CEMIP: variants seen among roughly 807,000 people sequenced by gnomAD.
CEMIP encodes cell migration-inducing and hyaluronan-binding protein.
CEMIP carries 105 observed loss-of-function variants against 156.9 expected under a neutral mutation model. The observed-to-expected ratio is 0.67, with a 90% confidence interval of 0.57 to 0.79. The LOEUF (loss-of-function observed/expected upper bound fraction) is 0.79. Ranked by LOEUF, CEMIP falls within the 30% of genes least tolerant of loss-of-function variation. The pLI, the probability that CEMIP is intolerant of heterozygous loss-of-function variation, is 0.00. For synonymous variants in CEMIP, 676 were observed against 668.4 expected, an observed-to-expected ratio of 1.01 and a Z score of -0.17; for missense variants, 1,457 against 1,769.4, an observed-to-expected ratio of 0.82 and a Z score of 3.17.
intron 5 of CEMIP, 141 bp from the exon 6 acceptor site, chr15:80,880,759 A>C: frequency 1.3e-6 from 1 of 778,146 alleles, no homozygotes; most frequent in South Asian, 1.4e-5. Flanking sequence ...TACTGACCTC[A>C]GGTGATAAAA....
chr15:80,832,319 A>ACT (rs201468853), intron 1 of CEMIP, among the ~76,000 whole-genome samples: 37 of 19,366 alleles, frequency 1.9e-3, no homozygotes, highest in South Asian at 6.4e-3. Flanking sequence ...TTTAAAATAA[A>ACT]CTCTGTGTGT....
In CEMIP at chr15:80,822,276, A is replaced by G. The variant is rs74599008; in HGVS notation, c.-176+42662A>G. Reference sequence around the variant, plus strand: ...CAGAGCATGGCTGTTGACTGAATGCATGAGCCTCCCTGTTGCCTGCCGCTG... The same window carrying G: ...CAGAGCATGGCTGTTGACTGAATGCGTGAGCCTCCCTGTTGCCTGCCGCTG... On this transcript the variant is annotated intron_variant, in intron 1 of 29. Coordinates refer to ENST00000394685, the MANE Select transcript of CEMIP (RefSeq NM_001293298.2). Among the ~76,000 whole-genome samples the G allele has an allele frequency of 8.4e-3, 1,281 of 152,322 alleles. 11 individuals carry two copies. The highest frequency in any genetic ancestry group is 0.015 in the Non-Finnish European group (998 of 68,020).
At chr15:80,816,608 A>T (rs1307026106) in intron 1 of CEMIP, among the ~76,000 whole-genome samples, 2 of 152,174 alleles carry the variant, frequency 1.3e-5, no homozygotes, top group Non-Finnish European at 2.9e-5. Context: ...TGGAATCTTT[A>T]AAAGATTGAA....
At chr15:80,902,013 C>G (rs1186612906) in intron 12 of CEMIP, among the ~76,000 whole-genome samples, 6 of 152,232 alleles carry the variant, frequency 3.9e-5, no homozygotes, top group African/African-American at 1.4e-4. Flanking sequence ...GGCTTGTCCT[C>G]ATACCCGATC....
chr15:80,937,502 G>A (rs1445915832), intron 24 of CEMIP, among the ~76,000 whole-genome samples: 2 of 152,200 alleles, frequency 1.3e-5, no homozygotes, highest in South Asian at 4.1e-4. Flanking sequence ...CTTTAACTAC[G>A]AAAAGAATGT....
intron 1 of CEMIP, among the ~76,000 whole-genome samples, chr15:80,832,564 C>T (rs2141682143): frequency 6.6e-6 from 1 of 152,136 alleles, no homozygotes; most frequent in South Asian, 2.1e-4. Context: ...CACTGAGACA[C>T]TCATACATGT....
intron 10 of CEMIP, 54 bp from the exon 11 acceptor site, chr15:80,894,936 C>T: frequency 6.2e-7 from 1 of 1,606,388 alleles, no homozygotes. Context: ...TCAGCACCTT[C>T]CTTCTCTATA....
chr15:80,864,726 A>G (rs1898079027), intron 1 of CEMIP, among the ~76,000 whole-genome samples: 2 of 152,224 alleles, frequency 1.3e-5, no homozygotes, highest in South Asian at 4.1e-4. Flanking sequence ...ACATTTTCAA[A>G]TATTTAGGAG....
At chr15:80,803,843 G>A (rs1304068743) in intron 1 of CEMIP, among the ~76,000 whole-genome samples, 1 of 152,198 alleles carries the variant, frequency 6.6e-6, no homozygotes, top group East Asian at 1.9e-4. Flanking sequence ...GGACTGCAAT[G>A]ATCCCATCTG....
intron 19 of CEMIP, among the ~76,000 whole-genome samples, chr15:80,927,366 T>A (rs948704987): frequency 1.2e-4 from 19 of 152,074 alleles, no homozygotes; most frequent in African/African-American, 4.6e-4. Flanking sequence ...AGGCTCCTCA[T>A]CCCTAGAGCA....
chr15:80,810,929 A>C (rs1426785324), intron 1 of CEMIP, among the ~76,000 whole-genome samples: 1 of 152,070 alleles, frequency 6.6e-6, no homozygotes, highest in African/African-American at 2.4e-5. Flanking sequence ...CCATTTCCCC[A>C]TCCATTCGCC....
chr15:80,929,094 C>T lies in CEMIP; in HGVS notation c.2532C>T (p.Asn844=), dbSNP rs763867768. The part of the protein sequence containing the change: ...KNSLFVGESG[N]VGTEMMDNRI... ...GCTTGTTTGTTGGCGAGAGTGGCAA[C>T]GTGGGGACGGAAATGATGGACAATA... is the stretch of plus-strand genomic sequence containing the variant. The change falls in exon 21 of 30, where the codon AAC becomes AAT. Residue 844 remains asparagine, a synonymous_variant. Coordinates refer to ENST00000394685, the MANE Select transcript of CEMIP (RefSeq NM_001293298.2). The T allele has an allele frequency of 3.7e-6, 6 of 1,614,050 alleles. No individual in the cohort carries two copies. The highest frequency in any genetic ancestry group is 2.2e-5 in the East Asian group (1 of 44,886).
At chr15:80,948,705 G>A (rs535784949) in intron 29 of CEMIP, 92 bp from the exon 30 acceptor site, 24 of 1,559,034 alleles carry the variant, frequency 1.5e-5, no homozygotes, top group South Asian at 4.5e-5. Context: ...CCTGGTGGGC[G>A]TGGGGGGCTG....
intron 3 of CEMIP, among the ~76,000 whole-genome samples, chr15:80,874,692 G>A (rs1367252165): frequency 6.6e-6 from 1 of 152,130 alleles, no homozygotes; most frequent in Non-Finnish European, 1.5e-5. Context: ...ATCTAGAAGT[G>A]TAAGGTAAGT....
At chr15:80,803,518 T>C (rs1896433920) in intron 1 of CEMIP, among the ~76,000 whole-genome samples, 1 of 152,012 alleles carries the variant, frequency 6.6e-6, no homozygotes, top group Non-Finnish European at 1.5e-5. Flanking sequence ...TAATGGAAAG[T>C]TCCCTGGACG....
chr15:80,898,684 A>G (rs1318032435), intron 12 of CEMIP, among the ~76,000 whole-genome samples: 1 of 152,184 alleles, frequency 6.6e-6, no homozygotes, highest in Admixed American at 6.5e-5. Flanking sequence ...AAGTGCCAGG[A>G]TTACAAGCAT....
chr15:80,837,479 C>T (rs1897294797), intron 1 of CEMIP, among the ~76,000 whole-genome samples: 1 of 152,188 alleles, frequency 6.6e-6, no homozygotes, highest in South Asian at 2.1e-4. Flanking sequence ...GTCCTCACAA[C>T]ACCCTTGAGA....
chr15:80,855,878 T>C (rs1416329470), intron 1 of CEMIP, among the ~76,000 whole-genome samples: 1 of 152,210 alleles, frequency 6.6e-6, no homozygotes, highest in Non-Finnish European at 1.5e-5. Context: ...GAAGCAGTCA[T>C]AGTAAGGCAG....
intron 1 of CEMIP, among the ~76,000 whole-genome samples, chr15:80,781,837 G>A (rs867478499): frequency 1.4e-4 from 22 of 152,254 alleles, no homozygotes; most frequent in Non-Finnish European, 7.4e-5. Flanking sequence ...TAGAGAAATC[G>A]TTTTAAATGG....
Sources: gnomAD v4.1 joint callset for allele counts (sites outside exome capture counted in the v4.1 genomes callset) on GRCh38, gnomAD v4.1.1 for gene constraint, MANE v1.5 for transcripts, NCBI Gene and HGNC (gene_info 2026-07-23, HGNC 2026-07-21) for gene names.